The following NFKB1 variants were observed in gnomAD, a reference collection of about 807,000 sequenced individuals.
NFKB1 encodes the protein nuclear factor kappa B subunit 1, also known as nuclear factor NF-kappa-B p105 subunit.
NFKB1 carries 9 observed loss-of-function variants against 105.1 expected under a neutral mutation model. The observed-to-expected ratio is 0.09, with a 90% CI of 0.05 to 0.15. The LOEUF (loss-of-function observed/expected upper bound fraction) is 0.15, where lower values mean the gene tolerates loss of function less well. Among genes scored for constraint, NFKB1 ranks in the 10% least tolerant of loss-of-function variants. The probability of loss-of-function intolerance (pLI) is 1.00; values close to 1 mark genes in which losing one functional copy is unlikely to be tolerated. For synonymous variants in NFKB1, 440 were observed against 442.2 expected (o/e 1.00, Z 0.06); for missense variants, 830 against 1,203.7 (o/e 0.69, Z 4.59).
At chr4:102,600,092 T>C (rs537634799) in intron 15 of NFKB1, among the ~76,000 whole-genome samples, 1 of 152,258 alleles carries the variant, frequency 6.6e-6, no homozygotes, top group Admixed American at 6.5e-5. Flanking sequence ...GAGAAAAATG[T>C]GTAGAAAACT....
intron 5 of NFKB1, among the ~76,000 whole-genome samples, chr4:102,549,321 C>T (rs1041671762): frequency 2.0e-5 from 3 of 150,414 alleles, no homozygotes; most frequent in Non-Finnish European, 4.4e-5. Flanking sequence ...CATTTCCTTC[C>T]TCTCATGGTG....
At chr4:102,508,335 A>G (rs573446927) in intron 1 of NFKB1, among the ~76,000 whole-genome samples, 1 of 152,318 alleles carries the variant, frequency 6.6e-6, no homozygotes, top group South Asian at 2.1e-4. Context: ...GATGATGTGG[A>G]ATGATGGAAG....
chr4:102,610,730 C>A (rs1578834432), intron 20 of NFKB1, 31 bp downstream of exon 20: 1 of 1,609,836 alleles, frequency 6.2e-7, no homozygotes, highest in Non-Finnish European at 8.5e-7. Flanking sequence ...CTGATGGCTG[C>A]CCCTGAGGGA....
rs1739744973 is a variant in NFKB1, at chr4:102,511,032, C to T, written c.-8+9244C>T. ...ATGAGGAGGGGTGGAGTAGGGGAAG[C>T]ATTGCTTGTTTATAGAAGCTCTTCC... On this transcript the variant is annotated intron_variant, in intron 1 of 23. Coordinates refer to ENST00000226574, the MANE Select transcript of NFKB1 (RefSeq NM_003998.4). 4.2e-6 allele frequency: 4 copies of T among 949,768 alleles called. No homozygotes were observed. The South Asian group carries it at 6.2e-5, about 15-fold the overall frequency. 58.8% of individuals were successfully genotyped at this position (949,768 alleles called of 1,614,324 possible). A position where few individuals can be genotyped will look rare whatever the true frequency, so the allele number is the denominator to read the frequency against.
In NFKB1 at chr4:102,600,936, T is replaced by C; in HGVS notation, c.1679T>C (p.Val560Ala). The C allele has an allele frequency of 6.2e-7, 1 of 1,612,506 alleles. No homozygotes were observed. Among genetic ancestry groups the C allele is most frequent in the Non-Finnish European group, 8.5e-7 (1 of 1,178,534 alleles). ...LAIIHLHSQL[V>A]RDLLEVTSGL... ...ATCATCCACCTTCATTCTCAACTTGTGAGGGATCTACTAGAAGTCACATCT... is the reference window on the plus strand; with the variant it reads ...ATCATCCACCTTCATTCTCAACTTGCGAGGGATCTACTAGAAGTCACATCT... Residue 560 changes from valine to alanine, a missense_variant, in exon 16 of 24, where the codon GTG becomes GCG. Val to Ala is a moderately conservative substitution (Grantham distance 64). This residue lies in a region of NFKB1 where 418 missense variants were observed against 575.3 expected (regional missense o/e 0.73). Transcript: ENST00000226574.
At chr4:102,596,406 CTA>C in intron 14 of NFKB1, 74 bp downstream of exon 14, 5 of 1,210,764 alleles carry the variant, frequency 4.1e-6, no homozygotes, top group Non-Finnish European at 5.6e-6. Context: ...AAGATATCTG[CTA>C]ATCTAAAGAT....
intron 5 of NFKB1, among the ~76,000 whole-genome samples, chr4:102,554,694 T>C (rs765367827): frequency 6.6e-6 from 1 of 152,176 alleles, no homozygotes. Flanking sequence ...GAGAAAGCCC[T>C]CCTCATGCAG....
At chr4:102,541,432 A>G (rs182980766) in intron 5 of NFKB1, among the ~76,000 whole-genome samples, 88 of 152,352 alleles carry the variant, frequency 5.8e-4, no homozygotes, top group African/African-American at 1.7e-3. Context: ...CTGTTAGAAT[A>G]TCAGAGTTAG....
chr4:102,616,018 A>G (rs1728912749), intron 23 of NFKB1, among the ~76,000 whole-genome samples: 1 of 152,202 alleles, frequency 6.6e-6, no homozygotes, highest in Non-Finnish European at 1.5e-5. Flanking sequence ...GCCCAGAGAG[A>G]GATCTCATTT....
At chr4:102,562,282 CTGACCCAGTCAAG>C (rs1482717873) in intron 5 of NFKB1, among the ~76,000 whole-genome samples, 1 of 152,222 alleles carries the variant, frequency 6.6e-6, no homozygotes, top group Non-Finnish European at 1.5e-5. Context: ...CCCTGACCTC[CTGACCCAGTCAAG>C]TGCTTCTTAT....
At chr4:102,613,182 G>C (rs1728587983) in intron 22 of NFKB1, among the ~76,000 whole-genome samples, 1 of 152,118 alleles carries the variant, frequency 6.6e-6, no homozygotes, top group South Asian at 2.1e-4. Context: ...TTCTCTCGCT[G>C]TCTCTCTCTC....
chr4:102,553,444 A>G (rs1236910392), intron 5 of NFKB1, among the ~76,000 whole-genome samples: 2 of 152,208 alleles, frequency 1.3e-5, no homozygotes, highest in African/African-American at 4.8e-5. Flanking sequence ...CAATGTGTTT[A>G]AAGACTTTAA....
At chr4:102,550,260 T>G (rs1164485449) in intron 5 of NFKB1, among the ~76,000 whole-genome samples, 1 of 152,092 alleles carries the variant, frequency 6.6e-6, no homozygotes, top group South Asian at 2.1e-4. Context: ...CCTAACACTT[T>G]CCTTATTTCT....
rs1725094247 is a variant in NFKB1 at position 102,578,979 on chromosome 4, A to G, written c.670A>G (p.Ser224Gly). Residue 224 changes from serine (S) to glycine (G), a missense_variant, in exon 8 of 24, where the codon AGC becomes GGC. Around this residue, in one of 8 missense-constraint regions of NFKB1, gnomAD observed 80 missense variants for 122.6 expected, o/e 0.65. Transcript: ENST00000226574. Reference sequence around the variant, plus strand: ...CATGTTTACAGCTTTTCTTCCGGATAGCACTGGCAGCTTCACAAGGCGCCT... The same window carrying G: ...CATGTTTACAGCTTTTCTTCCGGATGGCACTGGCAGCTTCACAAGGCGCCT... ...RLMFTAFLPDSTGSFTRRLEP... is the reference protein window; with the variant it reads ...RLMFTAFLPDGTGSFTRRLEP... The G allele has an allele frequency of 1.2e-6, 2 of 1,614,150 alleles. No individual in the cohort carries two copies. Among genetic ancestry groups the G allele is most frequent in the Non-Finnish European group, 1.7e-6 (2 of 1,180,010 alleles).
At chr4:102,512,944 A>G (rs756102231) in intron 1 of NFKB1, among the ~76,000 whole-genome samples, 15 of 152,242 alleles carry the variant, frequency 9.9e-5, no homozygotes, top group East Asian at 1.9e-4. Flanking sequence ...GATTCAAGAG[A>G]ACTGGATCAG....
At chr4:102,598,938 G>C (rs576354251) in intron 15 of NFKB1, among the ~76,000 whole-genome samples, 1 of 152,190 alleles carries the variant, frequency 6.6e-6, no homozygotes, top group South Asian at 2.1e-4. Context: ...GGAGAGACCA[G>C]AGGATCCTCA....
chr4:102,586,408 G>T (rs1725717964), intron 11 of NFKB1, among the ~76,000 whole-genome samples: 1 of 152,082 alleles, frequency 6.6e-6, no homozygotes, highest in Admixed American at 6.6e-5. Flanking sequence ...AGGTCCCTGT[G>T]GGAAAATCAA....
At chr4:102,550,315 C>G (rs1056858132) in intron 5 of NFKB1, among the ~76,000 whole-genome samples, 4 of 152,232 alleles carry the variant, frequency 2.6e-5, no homozygotes, top group Admixed American at 6.5e-5. Context: ...TTCACTACCC[C>G]AGTCCAGGCA....
intron 1 of NFKB1, chr4:102,502,254 C>G (rs997152562): frequency 6.6e-6 from 1 of 152,278 alleles, no homozygotes; most frequent in Non-Finnish European, 1.5e-5. Flanking sequence ...GTCCTCTTGG[C>G]TGGGAAAGCC....
Sources: gnomAD v4.1 joint callset for allele counts (sites outside exome capture counted in the v4.1 genomes callset) on GRCh38, gnomAD v4.1.1 for gene constraint, gnomAD v4.1.1 regional missense constraint, MANE v1.5 for transcripts, NCBI Gene and HGNC (gene_info 2026-07-23, HGNC 2026-07-21) for gene names.